FRAS1: variants seen among roughly 807,000 people sequenced by gnomAD.
FRAS1 encodes the protein Fraser extracellular matrix complex subunit 1.
In FRAS1, 290 loss-of-function variants were observed where a neutral mutation model predicts 435.2. The observed-to-expected ratio is 0.67, with a 90% CI of 0.61 to 0.73. The LOEUF is 0.73. FRAS1 is among the 30% of genes least tolerant of loss of function. FRAS1 has a pLI of 0.00. For missense variants in FRAS1, 4,860 were observed against 5,001.5 expected (o/e 0.97, Z 0.85); for synonymous variants, 1,800 against 1,851.0 (o/e 0.97, Z 0.71).
intron 2 of FRAS1, among the ~76,000 whole-genome samples, chr4:78,104,087 G>A (rs1326353153): frequency 1.3e-5 from 2 of 152,128 alleles, no homozygotes; most frequent in South Asian, 2.1e-4. Flanking sequence ...GCATCACTAC[G>A]AAACTGTGAC....
chr4:78,182,120 C>G, intron 2 of FRAS1: 1 of 1,175,224 alleles, frequency 8.5e-7, no homozygotes, highest in Non-Finnish European at 1.2e-6. Flanking sequence ...TGCTTCAGCT[C>G]TTCCCACAAG....
At chr4:78,208,443 A>C (rs1304195187) in intron 2 of FRAS1, among the ~76,000 whole-genome samples, 1 of 152,230 alleles carries the variant, frequency 6.6e-6, no homozygotes, top group African/African-American at 2.4e-5. Context: ...AACCAGAAGA[A>C]ATCTGTGAAT....
chr4:78,276,729 G>C (rs1256278260), intron 9 of FRAS1, among the ~76,000 whole-genome samples: 3 of 152,230 alleles, frequency 2.0e-5, no homozygotes, highest in Non-Finnish European at 2.9e-5. Context: ...GCCCCTACTG[G>C]AGGGTGCCTC....
Position 78,524,264 on chromosome 4 carries a change from A to G in FRAS1, c.10808+1456A>G, listed in dbSNP as rs537315691. Among the ~76,000 whole-genome samples, 38 of 152,340 alleles carry G rather than the reference A, an allele frequency of 2.5e-4. 1 individual carries two copies. In the East Asian group the frequency reaches 7.3e-3, roughly 29 times the overall value. On this transcript the variant is annotated intron_variant, in intron 69 of 73. Transcript: ENST00000512123. ...AGCATGTGATAGGTTCTGAGCAAGTATCTTTTAGGAGCTTACCTTTGAGGT... is the reference window on the plus strand; with the variant it reads ...AGCATGTGATAGGTTCTGAGCAAGTGTCTTTTAGGAGCTTACCTTTGAGGT...
chr4:78,114,660 A>G (rs1391191932), intron 2 of FRAS1, among the ~76,000 whole-genome samples: 2 of 152,092 alleles, frequency 1.3e-5, no homozygotes, highest in Non-Finnish European at 2.9e-5. Context: ...AATGCTTGTG[A>G]TTTTTGCACA....
chr4:78,402,856 G>C (rs1370476176), intron 30 of FRAS1, among the ~76,000 whole-genome samples: 1 of 152,050 alleles, frequency 6.6e-6, no homozygotes, highest in Non-Finnish European at 1.5e-5. Flanking sequence ...TCAGATATTT[G>C]TAGACTCTCA....
intron 2 of FRAS1, among the ~76,000 whole-genome samples, chr4:78,091,924 A>G (rs928044810): frequency 1.5e-5 from 2 of 136,414 alleles, no homozygotes; most frequent in East Asian, 4.8e-4. Flanking sequence ...AGATAGGAGG[A>G]TCGGTTGAGT....
chr4:78,522,878 A>C, intron 69 of FRAS1, 70 bp downstream of exon 69: 1 of 1,319,482 alleles, frequency 7.6e-7, no homozygotes, highest in Non-Finnish European at 1.0e-6. Context: ...GAGCTTGGGA[A>C]ATAGTGCTTT....
At position 78,374,224 on chromosome 4, in the gene FRAS1, G is replaced by A. The variant is rs114077522; in HGVS notation, c.3124G>A (p.Ala1042Thr). 32,223 of 1,600,106 alleles carry A rather than the reference G, an allele frequency of 0.02. 374 individuals are homozygous for A. Among genetic ancestry groups the A allele is most frequent in the Middle Eastern group, 0.028 (166 of 5,966 alleles). Residue 1042 changes from alanine (A) to threonine (T), a missense_variant, in exon 25 of 74, where the codon GCA (alanine) becomes ACA (threonine). Coordinates refer to ENST00000512123, the MANE Select transcript of FRAS1 (RefSeq NM_025074.7). ...CVQECGKGYF[A>T]DHAKHKCTAC... ...CCAGGAATGTGGGAAGGGGTACTTT[G>A]CAGATCATGCAAAGCACAAATGCAC...
chr4:78,429,958 G>T (rs1223522776), intron 36 of FRAS1, among the ~76,000 whole-genome samples: 1 of 152,156 alleles, frequency 6.6e-6, no homozygotes, highest in East Asian at 1.9e-4. Context: ...CAATTTATAG[G>T]AGGATTTTCT....
chr4:78,065,081 T>TATATATATATATACAC lies in FRAS1; in HGVS notation c.77-901_77-900insTATATATATACACATA, dbSNP rs762909923. ...GTGTATATATATATATATATATATATATACATACACACACACACACTAAAT... is the reference window on the plus strand; with the variant it reads ...GTGTATATATATATATATATATATATATATATATATATACACATACATACACACACACACACTAAAT... On this transcript the variant is annotated intron_variant, in intron 1 of 73. Coordinates refer to ENST00000512123, the MANE Select transcript of FRAS1 (RefSeq NM_025074.7). Among the ~76,000 whole-genome samples, 903 of 125,554 alleles carry TATATATATATATACAC rather than the reference T, an allele frequency of 7.2e-3. 10 individuals carry two copies. The highest frequency in any genetic ancestry group is 0.025 in the African/African-American group (814 of 32,810). The allele number at this position is 125,554 out of a possible 152,430, so 82.4% of individuals were successfully genotyped here.
intron 2 of FRAS1, among the ~76,000 whole-genome samples, chr4:78,233,353 A>G (rs1239250769): frequency 6.6e-6 from 1 of 152,188 alleles, no homozygotes; most frequent in Non-Finnish European, 1.5e-5. Context: ...AACTCAACCT[A>G]TAGTTTCATT....
chr4:78,363,835 CCCACA>C, intron 21 of FRAS1, 68 bp from the exon 22 acceptor site: 1 of 1,526,082 alleles, frequency 6.6e-7, no homozygotes, highest in South Asian at 1.3e-5. Context: ...GACTTTATTA[CCCACA>C]CTTGGGGTGC....
In FRAS1 at chr4:78,477,830, C is replaced by T. The variant is rs1236188218; in HGVS notation, c.7867C>T (p.Arg2623Ter). The T allele has an allele frequency of 4.3e-6, 7 of 1,612,582 alleles. No homozygotes were observed. In the East Asian group the frequency reaches 6.7e-5, roughly 15 times the overall value. Reference protein sequence around the residue: ...EYAGQVQFDEREDTKSCTIVI... With the variant: ...EYAGQVQFDE ...TTTGTGACAGGTCCAGTTTGATGAG[C>T]GAGAGGACACCAAGTCCTGCACCAT... is the stretch of plus-strand genomic sequence containing the variant. Residue 2623 changes from arginine (R) to a stop codon, truncating the protein, a stop_gained, in exon 55 of 74, where the codon CGA becomes TGA. Transcript: ENST00000512123. LOFTEE classifies it high-confidence loss of function.
intron 27 of FRAS1, among the ~76,000 whole-genome samples, 193 bp from the exon 28 acceptor site, chr4:78,383,866 T>C (rs962487748): frequency 6.6e-6 from 1 of 152,198 alleles, no homozygotes; most frequent in Non-Finnish European, 1.5e-5. Flanking sequence ...GAACACACAG[T>C]ATTTTTACCT....
At chr4:78,378,868 A>G (rs945788693) in intron 26 of FRAS1, among the ~76,000 whole-genome samples, 1 of 152,038 alleles carries the variant, frequency 6.6e-6, no homozygotes, top group Non-Finnish European at 1.5e-5. Flanking sequence ...AAAAATTTAC[A>G]TTTTGATGAT....
chr4:78,098,733 C>A (rs1365496286), intron 2 of FRAS1, among the ~76,000 whole-genome samples: 2 of 152,222 alleles, frequency 1.3e-5, no homozygotes, highest in Admixed American at 6.5e-5. Context: ...ATAGGAGCTA[C>A]ATGAAGGCAT....
At chr4:78,495,854 T>C (rs1173324062) in intron 59 of FRAS1, among the ~76,000 whole-genome samples, 3 of 152,120 alleles carry the variant, frequency 2.0e-5, no homozygotes, top group African/African-American at 4.8e-5. Flanking sequence ...GCTAACTTCA[T>C]GCTTTCTATA....
chr4:78,332,496 A>ATGC, intron 18 of FRAS1, among the ~76,000 whole-genome samples: 1 of 152,264 alleles, frequency 6.6e-6, no homozygotes, highest in African/African-American at 2.4e-5. Context: ...ATAGCACTTA[A>ATGC]TGCTAATGCT....
Sources: allele counts gnomAD v4.1 joint callset (sites outside exome capture counted in the v4.1 genomes callset), GRCh38; gene constraint gnomAD v4.1.1; transcripts MANE v1.5; gene names NCBI Gene and HGNC (gene_info 2026-07-23, HGNC 2026-07-21).